Variants in GALNTL6 observed in about 807,000 individuals in gnomAD.
GALNTL6 encodes the protein polypeptide N-acetylgalactosaminyltransferase-like 6.
GALNTL6 carries 46 observed loss-of-function variants against 73.7 expected under a neutral mutation model. The observed-to-expected ratio is 0.62, with a 90% CI of 0.49 to 0.80. The LOEUF is 0.80. Among genes scored for constraint, GALNTL6 ranks in the 30% least tolerant of loss-of-function variants. The pLI, the probability that GALNTL6 is intolerant of heterozygous loss-of-function variation, is 0.00. For synonymous variants in GALNTL6, 259 were observed against 263.7 expected (o/e 0.98, Z 0.17); for missense variants, 604 against 755.0 (o/e 0.80, Z 2.34).
chr4:172,686,633 T>C (rs1732935843), intron 5 of GALNTL6, among the ~76,000 whole-genome samples: 1 of 152,212 alleles, frequency 6.6e-6, no homozygotes. Context: ...ATTTTTAACT[T>C]ATTAAAACCT....
At chr4:172,145,614 T>A (rs1379152927) in intron 2 of GALNTL6, among the ~76,000 whole-genome samples, 1 of 152,208 alleles carries the variant, frequency 6.6e-6, no homozygotes, top group Non-Finnish European at 1.5e-5. Flanking sequence ...TCTGTTTTAC[T>A]AGTATCCATC....
intron 9 of GALNTL6, among the ~76,000 whole-genome samples, chr4:172,946,124 C>CGTGTGT (rs71594019): frequency 1.6e-3 from 240 of 148,532 alleles, no homozygotes; most frequent in South Asian, 0.012. Context: ...GGGGAAAAAG[C>CGTGTGT]GTGTGTGTGT....
intron 5 of GALNTL6, among the ~76,000 whole-genome samples, chr4:172,648,827 T>C (rs837211): frequency 1 from 151,569 of 152,278 alleles, 75,433 homozygotes; most frequent in Middle Eastern, 1. Context: ...TAATTCTCCC[T>C]GGATTAGGTC....
At chr4:172,570,771 G>A (rs961924627) in intron 5 of GALNTL6, among the ~76,000 whole-genome samples, 5 of 152,064 alleles carry the variant, frequency 3.3e-5, no homozygotes, top group African/African-American at 7.2e-5. Context: ...AATATATAAC[G>A]AAATAATTAT....
At chr4:172,065,283 T>A (rs1310365325) in intron 2 of GALNTL6, among the ~76,000 whole-genome samples, 1 of 152,144 alleles carries the variant, frequency 6.6e-6, no homozygotes, top group East Asian at 1.9e-4. Context: ...ATAGGGTTTG[T>A]GCTCCTATGA....
intron 11 of GALNTL6, among the ~76,000 whole-genome samples, chr4:173,014,096 A>G (rs73870347): frequency 0.058 from 8,829 of 152,190 alleles, 575 homozygotes; most frequent in African/African-American, 0.16. Context: ...AAATTGTTAC[A>G]TGGGAAATAA....
intron 2 of GALNTL6, among the ~76,000 whole-genome samples, chr4:172,177,789 G>GTA (rs1196780358): frequency 7.3e-6 from 1 of 136,794 alleles, no homozygotes; most frequent in African/African-American, 3.1e-5. Context: ...ATACACATGT[G>GTA]TATATATATA....
At chr4:172,866,149 G>A (rs1472367665) in intron 7 of GALNTL6, among the ~76,000 whole-genome samples, 1 of 152,080 alleles carries the variant, frequency 6.6e-6, no homozygotes, top group Non-Finnish European at 1.5e-5. Flanking sequence ...ACCTGTTCAG[G>A]TATCCTGCTC....
At chr4:172,347,127 T>G (rs2111212912) in intron 4 of GALNTL6, among the ~76,000 whole-genome samples, 1 of 151,824 alleles carries the variant, frequency 6.6e-6, no homozygotes, top group Admixed American at 6.6e-5. Context: ...GTAGCTAGGA[T>G]GACAGGCGTG....
At chr4:172,661,163 A>T (rs1731347174) in intron 5 of GALNTL6, among the ~76,000 whole-genome samples, 2 of 152,168 alleles carry the variant, frequency 1.3e-5, no homozygotes, top group African/African-American at 4.8e-5. Flanking sequence ...ATTACCCTCC[A>T]TAATGTGGAT....
chr4:173,040,147 AT>A lies in GALNTL6; in HGVS notation c.*51del. 6.9e-7 allele frequency: 1 copy of A among 1,446,998 alleles called. No homozygotes were observed. The highest frequency in any genetic ancestry group is 9.5e-7 in the Non-Finnish European group (1 of 1,054,048). The allele number at this position is 1,446,998 out of a possible 1,614,324, so 89.6% of individuals were successfully genotyped here. On this transcript the variant is annotated 3_prime_UTR_variant, in exon 13 of 13. Transcript: ENST00000506823. ...TGATTACCTACAGGTTATAAATTAAATTTTAGCCAGCATCTGGGTCGAAGGA... is the reference window on the plus strand; with the variant it reads ...TGATTACCTACAGGTTATAAATTAAATTTAGCCAGCATCTGGGTCGAAGGA...
At chr4:171,897,370 A>G (rs1381515599) in intron 2 of GALNTL6, among the ~76,000 whole-genome samples, 1 of 152,218 alleles carries the variant, frequency 6.6e-6, no homozygotes, top group East Asian at 1.9e-4. Flanking sequence ...TAGAATATAA[A>G]TTGTCAATGA....
chr4:172,273,873 G>C lies in GALNTL6; in HGVS notation c.248-37741G>C, dbSNP rs912365761. On this transcript the variant is annotated intron_variant, in intron 3 of 12. Transcript: ENST00000506823. Reference sequence around the variant, plus strand: ...GGCATTGGTGACCTTTCAGCTGATGGCACCCAATTTGCATTTTAAGCAGAC... The same window carrying C: ...GGCATTGGTGACCTTTCAGCTGATGCCACCCAATTTGCATTTTAAGCAGAC... 3.3e-5 allele frequency among the ~76,000 whole-genome samples: 5 copies of C among 152,104 alleles called. 1 individual carries two copies. The highest frequency in any genetic ancestry group is 5.9e-5 in the Non-Finnish European group (4 of 68,026).
intron 5 of GALNTL6, among the ~76,000 whole-genome samples, chr4:172,467,926 G>A (rs1468014772): frequency 8.1e-6 from 1 of 122,772 alleles, no homozygotes; most frequent in Non-Finnish European, 1.6e-5. Context: ...GCAGGATCTT[G>A]CTCTGCCACC....
chr4:172,462,426 C>A (rs1732651673), intron 5 of GALNTL6, among the ~76,000 whole-genome samples: 1 of 152,134 alleles, frequency 6.6e-6, no homozygotes, highest in Non-Finnish European at 1.5e-5. Flanking sequence ...TGCATGAGGC[C>A]TGGCCCAGGT....
intron 2 of GALNTL6, among the ~76,000 whole-genome samples, chr4:172,060,287 C>T (rs1469948809): frequency 1.3e-5 from 2 of 152,102 alleles, no homozygotes; most frequent in African/African-American, 2.4e-5. Flanking sequence ...TACATATATA[C>T]ATGTTTACAC....
chr4:172,957,116 G>A (rs1451269186), intron 10 of GALNTL6, among the ~76,000 whole-genome samples: 2 of 152,188 alleles, frequency 1.3e-5, no homozygotes. Flanking sequence ...GTTGAGTAAA[G>A]CCAATTTGCC....
intron 8 of GALNTL6, among the ~76,000 whole-genome samples, chr4:172,890,074 T>A (rs1745948251): frequency 6.6e-6 from 1 of 152,188 alleles, no homozygotes; most frequent in African/African-American, 2.4e-5. Context: ...AGGTCTTTTT[T>A]ATGTCTGTGG....
At chr4:172,542,037 T>C (rs960738027) in intron 5 of GALNTL6, among the ~76,000 whole-genome samples, 17 of 151,548 alleles carry the variant, frequency 1.1e-4, no homozygotes, top group African/African-American at 3.9e-4. Flanking sequence ...GTCAGGAAAA[T>C]GTAGGACATG....
Sources: allele counts gnomAD v4.1 joint callset (sites outside exome capture counted in the v4.1 genomes callset), GRCh38; gene constraint gnomAD v4.1.1; transcripts MANE v1.5; gene names NCBI Gene and HGNC (gene_info 2026-07-23, HGNC 2026-07-21).